The following PLIN3 variants were observed in gnomAD, a reference collection of about 807,000 sequenced individuals.
PLIN3 encodes perilipin 3, also known as perilipin-3.
A neutral mutation model predicts 35.9 loss-of-function variants in PLIN3; 30 were observed. The observed-to-expected ratio is 0.84, with a 90% CI of 0.62 to 1.13. PLIN3 has a LOEUF of 1.13. PLIN3 is among the 50% of genes most tolerant of loss of function. PLIN3 has a pLI of 0.00. For missense variants in PLIN3, 603 were observed against 596.9 expected (o/e 1.01, Z -0.11); for synonymous variants, 261 against 262.5 (o/e 0.99, Z 0.06).
intron 7 of PLIN3, 55 bp from the exon 8 acceptor site, chr19:4,839,591 C>T (rs2029870166): frequency 6.6e-6 from 9 of 1,357,796 alleles, no homozygotes; most frequent in South Asian, 3.3e-5. Flanking sequence ...GAAAGGCGAT[C>T]GGAGCTGAAG....
chr19:4,846,425 G>A (rs190253510), intron 6 of PLIN3, among the ~76,000 whole-genome samples: 41 of 152,016 alleles, frequency 2.7e-4, no homozygotes, highest in African/African-American at 9.2e-4. Context: ...AGAGCTGTGC[G>A]TGGTGGCTCG....
At chr19:4,852,345 T>A (rs1314802709) in intron 4 of PLIN3, 44 bp from the exon 5 acceptor site, 1 of 1,578,396 alleles carries the variant, frequency 6.3e-7, no homozygotes, top group Admixed American at 1.7e-5. Flanking sequence ...TCCCTCCATA[T>A]CTGGGCACCC....
intron 7 of PLIN3, among the ~76,000 whole-genome samples, chr19:4,840,316 T>G (rs1402203206): frequency 6.6e-6 from 1 of 152,008 alleles, no homozygotes; most frequent in Non-Finnish European, 1.5e-5. Context: ...CAGGCTGGAG[T>G]GCAGTGGCGT....
At chr19:4,842,460 C>T (rs959496394) in intron 7 of PLIN3, among the ~76,000 whole-genome samples, 29 of 151,100 alleles carry the variant, frequency 1.9e-4, no homozygotes, top group African/African-American at 5.6e-4. Context: ...ATTAGCTGGG[C>T]GTGGTGGCAG....
intron 1 of PLIN3, among the ~76,000 whole-genome samples, chr19:4,865,716 ATTT>A (rs1456656199): frequency 7.7e-6 from 1 of 130,066 alleles, no homozygotes; most frequent in Non-Finnish European, 1.6e-5. Context: ...GGTTCTTTCC[ATTT>A]TTTTTTTTTT....
chr19:4,865,543 TG>T (rs1249624112), intron 1 of PLIN3, among the ~76,000 whole-genome samples: 3 of 151,634 alleles, frequency 2.0e-5, no homozygotes, highest in African/African-American at 4.8e-5. Context: ...GCTGCTTTCC[TG>T]GGGAATTCTG....
intron 4 of PLIN3, among the ~76,000 whole-genome samples, chr19:4,857,868 C>T (rs1172093921): frequency 6.6e-6 from 1 of 151,818 alleles, no homozygotes; most frequent in African/African-American, 2.4e-5. Context: ...CCCAGCCACT[C>T]GGGAGGCTGA....
chr19:4,858,702 T>TG (rs1491172318), intron 4 of PLIN3, among the ~76,000 whole-genome samples: 2 of 47,740 alleles, frequency 4.2e-5, no homozygotes, highest in Admixed American at 3.1e-4. Flanking sequence ...GTTTTTTTGG[T>TG]TTTTTTTTTT....
chr19:4,848,989 G>A (rs1424510507), intron 5 of PLIN3, among the ~76,000 whole-genome samples: 1 of 151,924 alleles, frequency 6.6e-6, no homozygotes, highest in African/African-American at 2.4e-5. Context: ...TTTTTAGACA[G>A]GGTCTCGGTC....
chr19:4,844,713 G>T lies in PLIN3; in HGVS notation c.915C>A (p.Asn305Lys). ...EKLHQMWLSW[N>K]QKQLQGPEKE... ...TCTCGGGGCCCTGGAGCTGCTTCTG[G>T]TTCCAGCTGAGCCACATCTGGTGCA... Residue 305 changes from asparagine to lysine, a missense_variant, in exon 7 of 8, where the codon AAC (asparagine) becomes AAA (lysine). Asn to Lys is a moderately conservative substitution (Grantham distance 94). Coordinates refer to ENST00000221957, the MANE Select transcript of PLIN3 (RefSeq NM_005817.5). 6.2e-7 allele frequency: 1 copy of T among 1,608,732 alleles called. No individual in the cohort carries two copies. The highest frequency in any genetic ancestry group is 1.1e-5 in the South Asian group (1 of 89,868).
At chr19:4,844,307 T>C (rs1366968542) in intron 7 of PLIN3, among the ~76,000 whole-genome samples, 1 of 151,526 alleles carries the variant, frequency 6.6e-6, no homozygotes, top group African/African-American at 2.4e-5. Flanking sequence ...CTACTAAAAA[T>C]ACAAAAAAAT....
At chr19:4,866,277 C>CA (rs1466038467) in intron 1 of PLIN3, among the ~76,000 whole-genome samples, 1 of 151,990 alleles carries the variant, frequency 6.6e-6, no homozygotes, top group Non-Finnish European at 1.5e-5. Context: ...CTCAGCCTCC[C>CA]AAAGTGCTGG....
At chr19:4,846,087 C>T (rs1484381331) in intron 6 of PLIN3, among the ~76,000 whole-genome samples, 1 of 151,560 alleles carries the variant, frequency 6.6e-6, no homozygotes, top group Non-Finnish European at 1.5e-5. Flanking sequence ...ATTAGCCAGG[C>T]ATGGTGGCCG....
chr19:4,859,656 T>A lies in PLIN3; in HGVS notation c.282A>T (p.Glu94Asp), dbSNP rs747344236. 3.1e-6 allele frequency: 5 copies of A among 1,614,016 alleles called. No individual in the cohort carries two copies. The African/African-American group carries it at 6.7e-5, about 22-fold the overall frequency. ...KLEPQIASAS[E>D]YAHRGLDKLE... ...ACTTGTCCAGCCCCCTGTGGGCGTATTCGCTGGCTGATGCAACTGCCAACA... is the reference window on the plus strand; with the variant it reads ...ACTTGTCCAGCCCCCTGTGGGCGTAATCGCTGGCTGATGCAACTGCCAACA... Residue 94 changes from glutamate to aspartate, a missense_variant, in exon 4 of 8, where the codon GAA becomes GAT. By Grantham distance (45) the Glu-to-Asp change is conservative. Coordinates refer to ENST00000221957, the MANE Select transcript of PLIN3 (RefSeq NM_005817.5).
chr19:4,844,889 C>T, intron 6 of PLIN3, 96 bp from the exon 7 acceptor site: 1 of 1,371,350 alleles, frequency 7.3e-7, no homozygotes, highest in Non-Finnish European at 9.8e-7. Flanking sequence ...ATCTGACTTA[C>T]ATGACAGTCT....
chr19:4,862,622 C>T (rs1184859844), intron 1 of PLIN3, among the ~76,000 whole-genome samples: 1 of 152,164 alleles, frequency 6.6e-6, no homozygotes, highest in Non-Finnish European at 1.5e-5. Flanking sequence ...GGAAGCAAGG[C>T]TTGGGAACAG....
chr19:4,859,350 C>T lies in PLIN3; in HGVS notation c.348+240G>A, dbSNP rs377004277. On this transcript the variant is annotated intron_variant, in intron 4 of 7. Coordinates refer to ENST00000221957, the MANE Select transcript of PLIN3 (RefSeq NM_005817.5). ...CAGCCCGGCCAACATGGTGAAACCC[C>T]ATCTCTACTAAAAATACAAAAACTA... 3.3e-3 allele frequency among the ~76,000 whole-genome samples: 496 copies of T among 152,170 alleles called. 8 individuals carry two copies. In the South Asian group the frequency reaches 0.034, roughly 10 times the overall value.
chr19:4,854,256 T>C (rs1380398015), intron 4 of PLIN3, among the ~76,000 whole-genome samples: 1 of 152,068 alleles, frequency 6.6e-6, no homozygotes, highest in Non-Finnish European at 1.5e-5. Flanking sequence ...TAGACAGATC[T>C]CTATGCAGAG....
intron 4 of PLIN3, among the ~76,000 whole-genome samples, chr19:4,852,530 GCATGACCTCATACT>G (rs1303014660): frequency 2.0e-5 from 3 of 152,216 alleles, no homozygotes. Context: ...GGAGTTGTGG[GCATGACCTCATACT>G]CTGCAGCCAG....
Sources: gnomAD v4.1 joint callset for allele counts (sites outside exome capture counted in the v4.1 genomes callset) on GRCh38, gnomAD v4.1.1 for gene constraint, MANE v1.5 for transcripts, NCBI Gene and HGNC (gene_info 2026-07-23, HGNC 2026-07-21) for gene names.